The following RBFOX3 variants were observed in gnomAD, a reference collection of about 807,000 sequenced individuals.
RBFOX3 encodes RNA binding fox-1 homolog 3.
A neutral mutation model predicts 48.7 loss-of-function variants in RBFOX3; 17 were observed. The observed-to-expected ratio is 0.35, with a 90% confidence interval of 0.24 to 0.52. The LOEUF is 0.52. RBFOX3 is among the 20% of genes least tolerant of loss of function. The probability of loss-of-function intolerance (pLI) is 0.94; values close to 1 mark genes in which losing one functional copy is unlikely to be tolerated. For synonymous variants in RBFOX3, 212 were observed against 209.5 expected (o/e 1.01, Z -0.10); for missense variants, 382 against 497.5 (o/e 0.77, Z 2.21).
chr17:79,278,173 G>A (rs1386574066), intron 3 of RBFOX3, among the ~76,000 whole-genome samples: 1 of 152,184 alleles, frequency 6.6e-6, no homozygotes, highest in Non-Finnish European at 1.5e-5. Flanking sequence ...GGCCTCGGGG[G>A]TCCAGTCCTG....
intron 4 of RBFOX3, among the ~76,000 whole-genome samples, chr17:79,165,619 C>T (rs1337004214): frequency 1.3e-5 from 2 of 152,194 alleles, no homozygotes. Context: ...CTCCGGAGCC[C>T]CCTGGAGAAA....
At chr17:79,148,421 TG>T (rs558368122) in intron 4 of RBFOX3, among the ~76,000 whole-genome samples, 2 of 151,280 alleles carry the variant, frequency 1.3e-5, no homozygotes, top group Admixed American at 1.3e-4. Flanking sequence ...AGTTGGGGGG[TG>T]GAAGGGGCAG....
At chr17:79,230,139 T>C (rs907493976) in intron 4 of RBFOX3, among the ~76,000 whole-genome samples, 1 of 152,232 alleles carries the variant, frequency 6.6e-6, no homozygotes, top group Non-Finnish European at 1.5e-5. Context: ...GCAGTGATGA[T>C]GAGGCTGGTT....
Position 79,480,072 on chromosome 17 carries a change from G to A in RBFOX3, c.-175+2382C>T, listed in dbSNP as rs1418317221. Among the ~76,000 whole-genome samples the A allele has an allele frequency of 2.6e-5, 4 of 152,218 alleles. No individual in the cohort carries two copies. Among genetic ancestry groups the A allele is most frequent in the East Asian group, 1.9e-4 (1 of 5,192 alleles). ...GAGCCGTAGTGGATGGCACACCAGT[G>A]CTGCCTTCACAGCGACACTGCAGGG... is the stretch of plus-strand genomic sequence containing the variant. On this transcript the variant is annotated intron_variant, in intron 2 of 14. Transcript: ENST00000693108. The surrounding 1 kb of genome is among the most constrained non-coding windows in gnomAD (Gnocchi z 4.8).
the RBFOX3 span, among the ~76,000 whole-genome samples, chr17:79,664,792 G>A: frequency 3.3e-5 from 5 of 152,118 alleles, no homozygotes; most frequent in South Asian, 2.1e-4. Context: ...TCCTCCCCCC[G>A]GTCCCTGGAG....
At chr17:79,104,916 G>A (rs1403908514) in intron 6 of RBFOX3, among the ~76,000 whole-genome samples, 1 of 4,546 alleles carries the variant, frequency 2.2e-4, no homozygotes, top group Non-Finnish European at 1.4e-3. Context: ...GGCGTGCGGT[G>A]CTGAGCAACT....
intron 3 of RBFOX3, among the ~76,000 whole-genome samples, chr17:79,283,344 C>T (rs1273623952): frequency 3.4e-5 from 5 of 149,040 alleles, no homozygotes; most frequent in Admixed American, 1.4e-4. Context: ...TCTCGGCTCA[C>T]TGCAACCTCT....
At chr17:79,294,830 G>A (rs2074062829) in intron 3 of RBFOX3, among the ~76,000 whole-genome samples, 1 of 152,152 alleles carries the variant, frequency 6.6e-6, no homozygotes, top group Non-Finnish European at 1.5e-5. Context: ...ATGCCATTGC[G>A]GATCTGCCTT....
intron 2 of RBFOX3, among the ~76,000 whole-genome samples, chr17:79,365,127 GCACA>G (rs71365559): frequency 0.13 from 19,725 of 150,774 alleles, 1,418 homozygotes; most frequent in African/African-American, 0.18. Context: ...CTGGATGTGC[GCACA>G]CACACACACA....
At chr17:79,430,738 T>C (rs560836496) in intron 2 of RBFOX3, among the ~76,000 whole-genome samples, 127 of 152,202 alleles carry the variant, frequency 8.3e-4, no homozygotes, top group African/African-American at 3.0e-3. Flanking sequence ...AGAGATGGGG[T>C]TTTGCCACGT....
chr17:79,434,115 G>A (rs1172952708), intron 2 of RBFOX3, among the ~76,000 whole-genome samples: 2 of 152,152 alleles, frequency 1.3e-5, no homozygotes, highest in Non-Finnish European at 2.9e-5. Context: ...AAAACGTGAA[G>A]AACATCGCAC....
chr17:79,370,405 C>T (rs912058512), intron 2 of RBFOX3, among the ~76,000 whole-genome samples: 20 of 152,214 alleles, frequency 1.3e-4, no homozygotes, highest in Admixed American at 1.2e-3. Flanking sequence ...TGGACACATC[C>T]GACCATGCTC....
rs1476311994 is a variant in RBFOX3, at chr17:79,356,371, T to TGTTTTTGTTTTTG, written c.-174-48548_-174-48547insCAAAAACAAAAAC. On this transcript the variant is annotated intron_variant, in intron 2 of 14. Transcript: ENST00000693108. ...AAGTTTTTTTTTTTTTTTTTTTTTT[T>TGTTTTTGTTTTTG]TTTTTTTTTTTTTTTGAGGAGGAGT... 1.0e-3 allele frequency among the ~76,000 whole-genome samples: 117 copies of TGTTTTTGTTTTTG among 116,218 alleles called. 3 individuals are homozygous for TGTTTTTGTTTTTG. Among genetic ancestry groups the TGTTTTTGTTTTTG allele is most frequent in the South Asian group, 1.6e-3 (5 of 3,064 alleles). The allele number at this position is 116,218 out of a possible 152,430, so 76.2% of individuals were successfully genotyped here. A position where few individuals can be genotyped will look rare whatever the true frequency, so the allele number is the denominator to read the frequency against.
At chr17:79,237,054 C>A (rs574526006) in intron 3 of RBFOX3, among the ~76,000 whole-genome samples, 1 of 152,318 alleles carries the variant, frequency 6.6e-6, no homozygotes, top group South Asian at 2.1e-4. Context: ...TCAATCACTG[C>A]TGCTCTCTGA....
intron 2 of RBFOX3, among the ~76,000 whole-genome samples, chr17:79,455,093 TC>T (rs1171684706): frequency 6.6e-6 from 1 of 151,512 alleles, no homozygotes; most frequent in African/African-American, 2.4e-5. Context: ...CTGGACAGCG[TC>T]CCCCTCCACG....
chr17:79,139,661 G>A (rs2041500452), intron 4 of RBFOX3, among the ~76,000 whole-genome samples: 1 of 152,162 alleles, frequency 6.6e-6, no homozygotes, highest in African/African-American at 2.4e-5. Flanking sequence ...ATGCAGTGGG[G>A]GACCAATGGG....
chr17:79,149,690 G>C (rs2043889091), intron 4 of RBFOX3, among the ~76,000 whole-genome samples: 1 of 151,832 alleles, frequency 6.6e-6, no homozygotes, highest in Non-Finnish European at 1.5e-5. Flanking sequence ...GCCCGCTCAG[G>C]CCTTCTCTCA....
At chr17:79,375,210 G>A (rs1398045451) in intron 2 of RBFOX3, among the ~76,000 whole-genome samples, 1 of 152,220 alleles carries the variant, frequency 6.6e-6, no homozygotes, top group East Asian at 1.9e-4. Context: ...AGAAGAGTCA[G>A]TGAAGGAAAA....
chr17:79,661,375 G>A, the RBFOX3 span, among the ~76,000 whole-genome samples: 1 of 152,126 alleles, frequency 6.6e-6, no homozygotes, highest in East Asian at 1.9e-4. Context: ...TGGATTCTTT[G>A]ATTCTACATT....
Sources: allele counts gnomAD v4.1 joint callset (sites outside exome capture counted in the v4.1 genomes callset), GRCh38; gene constraint gnomAD v4.1.1; non-coding constraint Gnocchi (gnomAD v3.1); transcripts MANE v1.5; gene names NCBI Gene and HGNC (gene_info 2026-07-23, HGNC 2026-07-21).